Variants in TTLL11 observed in about 807,000 individuals in gnomAD.
TTLL11 encodes tubulin tyrosine ligase like 11, also known as tubulin polyglutamylase TTLL11.
Under a neutral mutation model 51.7 loss-of-function variants are expected in TTLL11, and 42 were observed. The observed-to-expected ratio is 0.81, with a 90% CI of 0.64 to 1.05. The LOEUF (loss-of-function observed/expected upper bound fraction) is 1.05, where lower values mean the gene tolerates loss of function less well. Ranked by LOEUF, TTLL11 falls within the 50% of genes least tolerant of loss-of-function variation. The pLI is 0.00. For missense variants in TTLL11, 799 were observed against 940.4 expected (o/e 0.85, Z 1.97); for synonymous variants, 381 against 383.5 (o/e 0.99, Z 0.08).
chr9:121,984,139 G>C (rs1422070545), intron 4 of TTLL11, among the ~76,000 whole-genome samples: 1 of 152,168 alleles, frequency 6.6e-6, no homozygotes, highest in Non-Finnish European at 1.5e-5. Context: ...AGAGCTCAGG[G>C]AGGGTACAGG....
intron 3 of TTLL11, among the ~76,000 whole-genome samples, chr9:122,030,206 G>GT (rs1844493703): frequency 2.1e-5 from 3 of 145,542 alleles, no homozygotes; most frequent in Middle Eastern, 3.5e-3. Context: ...AGACATTGGG[G>GT]GGGGGGGGGT....
chr9:121,857,597 C>T (rs112177616), intron 8 of TTLL11, among the ~76,000 whole-genome samples: 1 of 152,232 alleles, frequency 6.6e-6, no homozygotes, highest in Non-Finnish European at 1.5e-5. Flanking sequence ...GATGACTATT[C>T]CACCTAGTCA....
intron 3 of TTLL11, among the ~76,000 whole-genome samples, chr9:122,014,658 T>C (rs867729156): frequency 6.6e-6 from 1 of 152,200 alleles, no homozygotes; most frequent in Admixed American, 6.5e-5. Flanking sequence ...TTAGTAAATA[T>C]TTGTTCACAC....
intron 7 of TTLL11, among the ~76,000 whole-genome samples, chr9:121,866,254 T>C (rs1838171282): frequency 6.6e-6 from 1 of 152,082 alleles, no homozygotes; most frequent in Non-Finnish European, 1.5e-5. Context: ...CAAGAGAAAA[T>C]GCGTGCTGTT....
chr9:121,848,292 A>G (rs1396745505), intron 8 of TTLL11, among the ~76,000 whole-genome samples: 3 of 152,210 alleles, frequency 2.0e-5, no homozygotes, highest in African/African-American at 7.2e-5. Context: ...AATATCTACA[A>G]AAAAATCTTA....
At chr9:121,967,038 G>A (rs1385880821) in intron 6 of TTLL11, among the ~76,000 whole-genome samples, 4 of 151,914 alleles carry the variant, frequency 2.6e-5, no homozygotes, top group African/African-American at 9.7e-5. Context: ...TCCAGCCAAG[G>A]AGGTACCTGG....
chr9:122,084,025 G>A (rs1846060314), intron 1 of TTLL11, among the ~76,000 whole-genome samples: 1 of 152,126 alleles, frequency 6.6e-6, no homozygotes. Context: ...AATCTAAGAT[G>A]TCCAAAAAAT....
intron 8 of TTLL11, among the ~76,000 whole-genome samples, chr9:121,842,445 T>G (rs1185146215): frequency 6.6e-6 from 1 of 152,158 alleles, no homozygotes; most frequent in Non-Finnish European, 1.5e-5. Context: ...ACTTTGTGTA[T>G]GTGTGTGTAG....
chr9:122,033,408 G>C (rs556417787), intron 2 of TTLL11, among the ~76,000 whole-genome samples: 2 of 152,108 alleles, frequency 1.3e-5, no homozygotes, highest in Non-Finnish European at 2.9e-5. Context: ...CACCGCACCC[G>C]GCTATCATGC....
chr9:122,007,958 A>G (rs1190255428), intron 3 of TTLL11, among the ~76,000 whole-genome samples: 1 of 152,212 alleles, frequency 6.6e-6, no homozygotes, highest in Admixed American at 6.5e-5. Flanking sequence ...CAGTAATAAG[A>G]CAGAAGGACA....
chr9:121,873,382 CTTTTT>C (rs71370697), intron 6 of TTLL11, among the ~76,000 whole-genome samples: 3 of 110,558 alleles, frequency 2.7e-5, no homozygotes, highest in Non-Finnish European at 1.8e-5. Flanking sequence ...TCTTCTTCTC[CTTTTT>C]TTTTTTTTTT....
intron 7 of TTLL11, among the ~76,000 whole-genome samples, chr9:121,862,107 A>G (rs1838029590): frequency 6.6e-6 from 1 of 151,174 alleles, no homozygotes. Flanking sequence ...TTTCAGTCTG[A>G]TGTCAGCATT....
Position 121,822,534 on chromosome 9 carries a change from C to G in TTLL11, c.*53G>C. ...CTGCAGGCAGAATGCCTGGGGCGCT[C>G]CAGCCCTGAAAGCTGCTCTCGTCTT... On this transcript the variant is annotated 3_prime_UTR_variant, in exon 9 of 9. Transcript: ENST00000321582. The surrounding 1 kb of genome is among the most constrained non-coding windows in gnomAD (Gnocchi z 5.8). 1 of 1,412,664 alleles carries G rather than the reference C, an allele frequency of 7.1e-7. No individual in the cohort carries two copies. Among genetic ancestry groups the G allele is most frequent in the Non-Finnish European group, 9.3e-7 (1 of 1,078,498 alleles). 87.5% of individuals were successfully genotyped at this position (1,412,664 alleles called of 1,614,324 possible). A position where few individuals can be genotyped will look rare whatever the true frequency, so the allele number is the denominator to read the frequency against.
intron 6 of TTLL11, among the ~76,000 whole-genome samples, chr9:121,938,518 T>C (rs955254153): frequency 6.6e-6 from 1 of 152,138 alleles, no homozygotes; most frequent in African/African-American, 2.4e-5. Flanking sequence ...TAAGAGACCA[T>C]ATGTATAACT....
rs367831950 is a variant in TTLL11, at chr9:121,879,575, G to A, written c.1482-8827C>T. The stretch of plus-strand genomic sequence containing the variant: ...TTCCTTCTGAAATACATAGAGAGTG[G>A]GGCCAAGTCACTGACTTGAGGTGAG... On this transcript the variant is annotated intron_variant, in intron 6 of 8. Transcript: ENST00000321582. Among the ~76,000 whole-genome samples, 4 of 152,206 alleles carry A rather than the reference G, an allele frequency of 2.6e-5. No homozygotes were observed. The East Asian group carries it at 5.8e-4, about 22-fold the overall frequency.
At chr9:121,983,486 AG>A (rs1433341841) in intron 4 of TTLL11, among the ~76,000 whole-genome samples, 1 of 152,166 alleles carries the variant, frequency 6.6e-6, no homozygotes, top group Non-Finnish European at 1.5e-5. Flanking sequence ...GATTGTGAAT[AG>A]GGGGACACCT....
intron 6 of TTLL11, among the ~76,000 whole-genome samples, chr9:121,949,743 G>A (rs558217721): frequency 6.6e-6 from 1 of 152,060 alleles, no homozygotes; most frequent in South Asian, 2.1e-4. Flanking sequence ...TTATGAGAAA[G>A]TTTTTGCAAA....
At chr9:121,910,592 TTCA>T (rs747492000) in intron 6 of TTLL11, among the ~76,000 whole-genome samples, 29 of 152,218 alleles carry the variant, frequency 1.9e-4, no homozygotes, top group Non-Finnish European at 3.8e-4. Flanking sequence ...TTAGAACACA[TTCA>T]TCATTAAAAC....
chr9:121,929,427 G>A (rs376305360), intron 6 of TTLL11, among the ~76,000 whole-genome samples: 3 of 149,852 alleles, frequency 2.0e-5, no homozygotes, highest in East Asian at 1.9e-4. Flanking sequence ...GCAACAGAGC[G>A]AGACCCCGTC....
Sources: gnomAD v4.1 joint callset for allele counts (sites outside exome capture counted in the v4.1 genomes callset) on GRCh38, gnomAD v4.1.1 for gene constraint, Gnocchi (gnomAD v3.1) non-coding constraint, MANE v1.5 for transcripts, NCBI Gene and HGNC (gene_info 2026-07-23, HGNC 2026-07-21) for gene names.